Variants in NUMA1 observed in about 807,000 individuals in gnomAD.
NUMA1 encodes the protein SP-H antigen.
Under a neutral mutation model 237.1 loss-of-function variants are expected in NUMA1, and 62 were observed. That is an observed-to-expected ratio of 0.26 (90% CI 0.21 to 0.32). The LOEUF (loss-of-function observed/expected upper bound fraction) is 0.32, where lower values mean the gene tolerates loss of function less well. NUMA1 is among the 10% of genes least tolerant of loss of function. NUMA1 has a pLI of 1.00. For synonymous variants in NUMA1, 1,028 were observed against 1,066.1 expected (o/e 0.96, Z 0.70); for missense variants, 2,533 against 2,666.5 (o/e 0.95, Z 1.10).
At chr11:72,061,824 A>G (rs1380066642) in intron 2 of NUMA1, among the ~76,000 whole-genome samples, 4 of 151,982 alleles carry the variant, frequency 2.6e-5, no homozygotes, top group Non-Finnish European at 5.9e-5. Flanking sequence ...CTGTCCTTCA[A>G]TGATTTTGAC....
chr11:72,009,144 C>G lies in NUMA1; in HGVS notation c.4881G>C (p.Gln1627His). ...AKTHYDAKKQ[Q>H]NQELQEQLRS... is the part of the protein sequence containing the mutation. ...GCAGCTGCTCCTGCAGCTCTTGGTT[C>G]TGCTGCTTCTTGGCATCATAATGTG... The change falls in exon 19 of 27, where the codon CAG becomes CAC. Residue 1627 changes from glutamine to histidine, a missense_variant. Around this residue, in one of 3 missense-constraint regions of NUMA1, gnomAD observed 795 missense variants for 750.8 expected, o/e 1.06. Transcript: ENST00000393695. 1 of 1,444,830 alleles carries G rather than the reference C, an allele frequency of 6.9e-7. No individual in the cohort carries two copies. Among genetic ancestry groups the G allele is most frequent in the African/African-American group, 1.6e-5 (1 of 63,084 alleles). The allele number at this position is 1,444,830 out of a possible 1,614,324, so 89.5% of individuals were successfully genotyped here.
intron 2 of NUMA1, 94 bp downstream of exon 2, chr11:72,069,748 G>A (rs893939126): frequency 6.6e-6 from 1 of 152,226 alleles, no homozygotes; most frequent in Admixed American, 6.6e-5. Flanking sequence ...TCACTTTGAA[G>A]AATCTGGGTC....
At position 72,024,574 on chromosome 11, in the gene NUMA1, T is replaced by A. The variant is rs956088086; in HGVS notation, c.129-221A>T. On this transcript the variant is annotated intron_variant, in intron 4 of 26. Transcript: ENST00000393695. ...GAGGGGACTTGAGGCATGGGGTTCT[T>A]CTGGAAAAGATGGCACTCTGCCACC... 1.8e-5 allele frequency: 10 copies of A among 549,252 alleles called. No individual in the cohort carries two copies. In the Admixed American group the frequency reaches 3.1e-4, roughly 17 times the overall value. The allele number at this position is 549,252 out of a possible 1,614,324, so 34.0% of individuals were successfully genotyped here.
At chr11:72,024,241 G>C (rs1159543739) in intron 5 of NUMA1, 33 bp downstream of exon 5, 1 of 1,601,182 alleles carries the variant, frequency 6.2e-7, no homozygotes, top group East Asian at 2.2e-5. Flanking sequence ...TGAGGAAGCA[G>C]CTTCTTCATA....
intron 2 of NUMA1, among the ~76,000 whole-genome samples, chr11:72,059,492 C>A (rs1424540291): frequency 2.0e-5 from 3 of 152,182 alleles, no homozygotes; most frequent in African/African-American, 7.2e-5. Flanking sequence ...TGTTCTCAAA[C>A]TCCTAGGCTC....
intron 5 of NUMA1, 59 bp downstream of exon 5, chr11:72,024,215 C>G (rs948971841): frequency 4.0e-6 from 6 of 1,517,744 alleles, no homozygotes; most frequent in Admixed American, 1.7e-5. Flanking sequence ...CCTCTGGACT[C>G]TCCAATCCCA....
rs751930537 is a variant in NUMA1, at chr11:72,024,381, G to C, written c.129-28C>G. 1.4e-5 allele frequency: 22 copies of C among 1,601,822 alleles called. No individual in the cohort carries two copies. The East Asian group carries it at 1.8e-4, about 13-fold the overall frequency. On this transcript the variant is annotated intron_variant, in intron 4 of 26. Coordinates refer to ENST00000393695, the MANE Select transcript of NUMA1 (RefSeq NM_006185.4). ...AGAAAAAGAGCAAGTATTAGGACCA[G>C]AGTATTCAGCAATCTTTGCCTCCTT...
intron 1 of NUMA1, among the ~76,000 whole-genome samples, chr11:72,078,785 A>G (rs537024806): frequency 6.6e-6 from 1 of 152,364 alleles, no homozygotes; most frequent in South Asian, 2.1e-4. Context: ...AGAGGGACTG[A>G]GGAAACATAA....
chr11:72,003,886 C>A lies in NUMA1; in HGVS notation c.6336+1G>T. On this transcript the variant is annotated splice_donor_variant, in intron 26 of 26. Coordinates refer to ENST00000393695, the MANE Select transcript of NUMA1 (RefSeq NM_006185.4). LOFTEE classifies it high-confidence loss of function. Reference sequence around the variant, plus strand: ...CTCCCCCATCCTGCCAGTGCCTCTACCTTGCCCTTGGCTCGAGGGGTGGCA... The same window carrying A: ...CTCCCCCATCCTGCCAGTGCCTCTAACTTGCCCTTGGCTCGAGGGGTGGCA... The A allele has an allele frequency of 1.2e-6, 2 of 1,613,560 alleles. No individual in the cohort carries two copies. Among genetic ancestry groups the A allele is most frequent in the African/African-American group, 1.3e-5 (1 of 75,034 alleles).
intron 2 of NUMA1, among the ~76,000 whole-genome samples, chr11:72,037,375 G>A (rs570605863): frequency 7.2e-5 from 11 of 152,220 alleles, no homozygotes; most frequent in East Asian, 3.9e-4. Context: ...GCATGGTGGC[G>A]GGCGCCTGTA....
In NUMA1 at chr11:72,018,229, C is replaced by T. The variant is rs761167146; in HGVS notation, c.932G>A (p.Arg311His). 1.2e-5 allele frequency: 19 copies of T among 1,614,046 alleles called. No homozygotes were observed. In the Admixed American group the frequency reaches 1.5e-4, roughly 13 times the overall value. ...CTCCTCCGAAAGCTGGTTGATTTTG[C>T]GATCCATCTGGCTCTTCTCTGTCTT... The part of the protein sequence containing the change: ...DLKTEKSQMD[R>H]KINQLSEENG... Residue 311 changes from arginine (R) to histidine (H), a missense_variant, in exon 12 of 27, where the codon CGC becomes CAC. Physicochemically the swap from Arg to His is conservative, Grantham distance 29 (BLOSUM62 0). Around this residue, in one of 3 missense-constraint regions of NUMA1, gnomAD observed 1,414 missense variants for 1,508.1 expected, o/e 0.94. Transcript: ENST00000393695.
In NUMA1 at chr11:72,007,337, C is replaced by T. The variant is rs753248331; in HGVS notation, c.5315G>A (p.Ser1772Asn). The change falls in exon 21 of 27, where the codon AGT becomes AAT. Residue 1772 changes from serine (S) to asparagine (N), a missense_variant. Physicochemically the swap from Ser to Asn is conservative, Grantham distance 46 (BLOSUM62 1). Coordinates refer to ENST00000393695, the MANE Select transcript of NUMA1 (RefSeq NM_006185.4). Reference protein sequence around the residue: ...RLPPKVESLESLYFTPIPARS... With the variant: ...RLPPKVESLENLYFTPIPARS... ...AGCAGGGATGGGAGTGAAGTAGAGA[C>T]TCTCCAGGGATTCTACCTTGGGGGG... The T allele has an allele frequency of 1.2e-6, 2 of 1,613,614 alleles. No individual in the cohort carries two copies. The highest frequency in any genetic ancestry group is 2.2e-5 in the South Asian group (2 of 91,044).
chr11:72,031,813 CA>C (rs1302996835), intron 3 of NUMA1, among the ~76,000 whole-genome samples: 1 of 150,514 alleles, frequency 6.6e-6, no homozygotes, highest in Non-Finnish European at 1.5e-5. Context: ...GACCCTGTCT[CA>C]AAAAAATAAA....
chr11:72,019,648 A>T, intron 8 of NUMA1, 31 bp from the exon 9 acceptor site: 1 of 1,605,138 alleles, frequency 6.2e-7, no homozygotes, highest in South Asian at 1.1e-5. Context: ...AAATAAATCA[A>T]CAAAGGTTAG....
At position 72,016,975 on chromosome 11, in the gene NUMA1, A is replaced by AT. The variant is rs67134844; in HGVS notation, c.1120-446dup. The AT allele has an allele frequency of 2.7e-3, 416 of 153,180 alleles. 1 individual carries two copies. Among genetic ancestry groups the AT allele is most frequent in the Middle Eastern group, 6.7e-3 (2 of 298 alleles). The allele number at this position is 153,180 out of a possible 1,614,324, so 9.5% of individuals were successfully genotyped here. A position where few individuals can be genotyped will look rare whatever the true frequency, so the allele number is the denominator to read the frequency against. On this transcript the variant is annotated intron_variant, in intron 13 of 26. Coordinates refer to ENST00000393695, the MANE Select transcript of NUMA1 (RefSeq NM_006185.4). ...ATAGGCTATGCTGGGTTCATCCCTAATTTTTTTTTTTTTTTTTTTTTTTTT... is the reference window on the plus strand; with the variant it reads ...ATAGGCTATGCTGGGTTCATCCCTAATTTTTTTTTTTTTTTTTTTTTTTTTT...
intron 2 of NUMA1, chr11:72,066,891 C>T (rs1039426026): frequency 1.1e-4 from 17 of 152,200 alleles, no homozygotes; most frequent in African/African-American, 4.1e-4. Context: ...CCAATTGGCC[C>T]TTATCTGAAT....
At chr11:72,008,554 G>C in intron 20 of NUMA1, 134 bp downstream of exon 20, 1 of 1,003,984 alleles carries the variant, frequency 1.0e-6, no homozygotes, top group Non-Finnish European at 1.5e-6. Context: ...ATAGATATCT[G>C]GTATAATACC....
At chr11:72,077,327 A>T (rs1303678403) in intron 1 of NUMA1, among the ~76,000 whole-genome samples, 1 of 152,266 alleles carries the variant, frequency 6.6e-6, no homozygotes, top group African/African-American at 2.4e-5. Context: ...ATGGAAGTAC[A>T]GAACACAAAT....
chr11:72,056,089 C>T (rs1942621699), intron 2 of NUMA1, among the ~76,000 whole-genome samples: 2 of 151,290 alleles, frequency 1.3e-5, no homozygotes, highest in South Asian at 4.2e-4. Context: ...GTGGAGGCTG[C>T]AGTGAGCTGA....
Sources: gnomAD v4.1 joint callset for allele counts (sites outside exome capture counted in the v4.1 genomes callset) on GRCh38, gnomAD v4.1.1 for gene constraint, gnomAD v4.1.1 regional missense constraint, MANE v1.5 for transcripts, NCBI Gene and HGNC (gene_info 2026-07-23, HGNC 2026-07-21) for gene names.